The following NAP1L1 variants were observed in gnomAD, a reference collection of about 807,000 sequenced individuals.
The protein encoded by NAP1L1 is nucleosome assembly protein 1-like 1.
In NAP1L1, 9 loss-of-function variants were observed where a neutral mutation model predicts 58.9. The ratio of observed to expected loss-of-function variants is 0.15; its 90% CI spans 0.09 to 0.27. The LOEUF is 0.27. Among genes scored for constraint, NAP1L1 ranks in the 10% least tolerant of loss-of-function variants. The pLI is 1.00. For synonymous variants in NAP1L1, 130 were observed against 138.3 expected (o/e 0.94, Z 0.42); for missense variants, 302 against 458.8 (o/e 0.66, Z 3.12).
In NAP1L1 at chr12:76,067,397, TACC is replaced by T. The variant is rs896728738; in HGVS notation, c.177_179del (p.Val60del). 2 of 1,610,012 alleles carry T rather than the reference TACC, an allele frequency of 1.2e-6. No individual in the cohort carries two copies. The highest frequency in any genetic ancestry group is 1.7e-6 in the Non-Finnish European group (2 of 1,177,562). On this transcript the variant is annotated inframe_deletion, in exon 4 of 15. Transcript: ENST00000618691. ...TTTCAATGTATCCTGTTGGTGTTTC[TACC>T]AGACCATCAAGTCTTTCTTGAAGGG...
chr12:76,057,659 T>TA (rs1949179745), intron 6 of NAP1L1: 5 of 1,425,044 alleles, frequency 3.5e-6, no homozygotes, highest in Non-Finnish European at 4.8e-6. Flanking sequence ...TCATTACCAA[T>TA]AGAGTACTGT....
At chr12:76,081,227 C>T (rs568526413) in intron 1 of NAP1L1, among the ~76,000 whole-genome samples, 26 of 152,298 alleles carry the variant, frequency 1.7e-4, no homozygotes, top group Admixed American at 1.5e-3. Flanking sequence ...TCACTGCTCA[C>T]GTACGTAACC....
intron 3 of NAP1L1, chr12:76,068,452 T>C (rs1178017070): frequency 6.6e-6 from 1 of 152,570 alleles, no homozygotes; most frequent in Non-Finnish European, 1.5e-5. Flanking sequence ...CACCACTCCT[T>C]TTAAAAATAT....
intron 6 of NAP1L1, chr12:76,058,113 G>C: frequency 2.7e-6 from 2 of 729,870 alleles, no homozygotes; most frequent in East Asian, 2.6e-5. Context: ...CGAAGATCTT[G>C]GAGAAGAAGT....
rs1335331937 is a variant in NAP1L1, at chr12:76,040,328, AAAC to A, written c.*8098_*8100del. ...TGATATGCCTTCCCTTGACTTTAAAAAACAACTAAGTTGACTCTTGAATATCAA... is the reference window on the plus strand; with the variant it reads ...TGATATGCCTTCCCTTGACTTTAAAAAACTAAGTTGACTCTTGAATATCAA... On this transcript the variant is annotated 3_prime_UTR_variant, in exon 15 of 15. Transcript: ENST00000618691. 1 of 152,128 alleles carries A rather than the reference AAAC, an allele frequency of 6.6e-6. No homozygotes were observed. The highest frequency in any genetic ancestry group is 1.5e-5 in the Non-Finnish European group (1 of 68,028). The allele number at this position is 152,128 out of a possible 1,614,324, so 9.4% of individuals were successfully genotyped here.
chr12:76,067,376 A>G lies in NAP1L1; in HGVS notation c.201T>C (p.Ile67=). ...DGLVETPTGY[I]ESLPRVVKRR... The stretch of plus-strand genomic sequence containing the variant: ...GGACTATGGAAAAGCTGTACCTTTC[A>G]ATGTATCCTGTTGGTGTTTCTACCA... The change falls in exon 4 of 15, where the codon ATT becomes ATC. Residue 67 remains isoleucine (I), a synonymous_variant. Coordinates refer to ENST00000618691, the MANE Select transcript of NAP1L1 (RefSeq NM_004537.7). The G allele has an allele frequency of 6.9e-6, 11 of 1,605,454 alleles. No homozygotes were observed. Among genetic ancestry groups the G allele is most frequent in the Non-Finnish European group, 9.4e-6 (11 of 1,174,330 alleles).
At chr12:76,083,289 C>CT (rs1950476972) in intron 1 of NAP1L1, among the ~76,000 whole-genome samples, 1 of 152,014 alleles carries the variant, frequency 6.6e-6, no homozygotes, top group Non-Finnish European at 1.5e-5. Flanking sequence ...ATTCTAGTGA[C>CT]TTCAATAAAG....
At chr12:76,049,729 A>G in intron 13 of NAP1L1, 27 bp downstream of exon 13, 5 of 1,611,558 alleles carry the variant, frequency 3.1e-6, no homozygotes, top group Non-Finnish European at 4.2e-6. Flanking sequence ...ACCACAGAGA[A>G]TTATTTGCTC....
At chr12:76,057,957 T>C (rs985136035) in intron 6 of NAP1L1, 14 of 989,920 alleles carry the variant, frequency 1.4e-5, no homozygotes, top group Admixed American at 5.6e-5. Context: ...AAATTGATCT[T>C]AAATCACACA....
rs1410038996 is a variant in NAP1L1, at chr12:76,046,572, G to A, written c.*1857C>T. ...AAAAAAAGCTATTATAATTGGTTAAGGATTTCCAGTAGTAAGTTAAAATCT... is the reference window on the plus strand; with the variant it reads ...AAAAAAAGCTATTATAATTGGTTAAAGATTTCCAGTAGTAAGTTAAAATCT... On this transcript the variant is annotated 3_prime_UTR_variant, in exon 15 of 15. Coordinates refer to ENST00000618691, the MANE Select transcript of NAP1L1 (RefSeq NM_004537.7). 3 of 152,288 alleles carry A rather than the reference G, an allele frequency of 2.0e-5. No homozygotes were observed. Among genetic ancestry groups the A allele is most frequent in the African/African-American group, 4.8e-5 (2 of 41,386 alleles). 9.4% of individuals were successfully genotyped at this position (152,288 alleles called of 1,614,324 possible).
intron 1 of NAP1L1, among the ~76,000 whole-genome samples, chr12:76,076,939 T>C (rs1215826784): frequency 2.0e-5 from 3 of 152,208 alleles, no homozygotes; most frequent in Non-Finnish European, 4.4e-5. Flanking sequence ...TAAGTATTTA[T>C]GTGGTGCATG....
chr12:76,054,605 G>C (rs892144238), intron 8 of NAP1L1, among the ~76,000 whole-genome samples: 1 of 152,116 alleles, frequency 6.6e-6, no homozygotes, highest in Non-Finnish European at 1.5e-5. Flanking sequence ...CCAACCTTAA[G>C]CATCTACAGC....
intron 4 of NAP1L1, among the ~76,000 whole-genome samples, chr12:76,060,668 A>G (rs7136330): frequency 0.63 from 96,024 of 152,068 alleles, 30,717 homozygotes; most frequent in East Asian, 0.96. Flanking sequence ...GGGAGCATAG[A>G]CATATCAGGA....
At chr12:76,076,205 C>T (rs1254735271) in intron 1 of NAP1L1, among the ~76,000 whole-genome samples, 1 of 152,132 alleles carries the variant, frequency 6.6e-6, no homozygotes, top group Non-Finnish European at 1.5e-5. Context: ...CTCCAACCTG[C>T]ACATTCCGGT....
chr12:76,058,047 G>A, intron 6 of NAP1L1: 2 of 781,066 alleles, frequency 2.6e-6, no homozygotes, highest in Admixed American at 3.4e-5. Context: ...AGACTTTACA[G>A]ATGACATAAT....
intron 14 of NAP1L1, 193 bp downstream of exon 14, chr12:76,049,007 T>A (rs1948701837): frequency 1.8e-6 from 1 of 569,160 alleles, no homozygotes; most frequent in African/African-American, 1.9e-5. Flanking sequence ...CAAAAAACAA[T>A]GTTTTTTAGA....
intron 2 of NAP1L1, among the ~76,000 whole-genome samples, chr12:76,070,928 C>T (rs1949925370): frequency 6.6e-6 from 1 of 152,074 alleles, no homozygotes. Flanking sequence ...CCCAACATTC[C>T]GGAAGCCAAG....
Position 76,041,741 on chromosome 12 carries a change from G to A in NAP1L1, c.*6688C>T, listed in dbSNP as rs560920159. 3.3e-5 allele frequency: 5 copies of A among 152,254 alleles called. No individual in the cohort carries two copies. The East Asian group carries it at 9.6e-4, about 29-fold the overall frequency. 9.4% of individuals were successfully genotyped at this position (152,254 alleles called of 1,614,324 possible). On this transcript the variant is annotated 3_prime_UTR_variant, in exon 15 of 15. Coordinates refer to ENST00000618691, the MANE Select transcript of NAP1L1 (RefSeq NM_004537.7). ...AAGATAATAAAAATAAAACTTTGTT[G>A]ACTGGCCTAATCCAAGTCTAAAATC... is the stretch of plus-strand genomic sequence containing the variant.
chr12:76,048,971 A>C, intron 14 of NAP1L1: 1 of 545,332 alleles, frequency 1.8e-6, no homozygotes, highest in Non-Finnish European at 3.2e-6. Context: ...ACTGTACCTG[A>C]AACTATAAAA....
Sources: allele counts gnomAD v4.1 joint callset (sites outside exome capture counted in the v4.1 genomes callset), GRCh38; gene constraint gnomAD v4.1.1; transcripts MANE v1.5; gene names NCBI Gene and HGNC (gene_info 2026-07-23, HGNC 2026-07-21).